ARHGAP15: variants seen among roughly 807,000 people sequenced by gnomAD.
The protein encoded by ARHGAP15 is rho GTPase-activating protein 15.
Under a neutral mutation model 63.7 loss-of-function variants are expected in ARHGAP15, and 51 were observed. The observed-to-expected ratio is 0.80, with a 90% CI of 0.64 to 1.01. The LOEUF (loss-of-function observed/expected upper bound fraction) is 1.01. Ranked by LOEUF, ARHGAP15 falls within the 50% of genes least tolerant of loss-of-function variation. ARHGAP15 has a pLI of 0.00. For missense variants in ARHGAP15, 560 were observed against 564.6 expected (o/e 0.99, Z 0.08); for synonymous variants, 191 against 193.8 (o/e 0.99, Z 0.12).
chr2:143,407,998 T>TATATAC, intron 6 of ARHGAP15, among the ~76,000 whole-genome samples: 1 of 66,678 alleles, frequency 1.5e-5, no homozygotes, highest in Admixed American at 2.0e-4. Context: ...TATATATATA[T>TATATAC]ATATATATAT....
intron 4 of ARHGAP15, among the ~76,000 whole-genome samples, chr2:143,224,662 G>A (rs1008239115): frequency 2.6e-5 from 4 of 152,058 alleles, no homozygotes; most frequent in African/African-American, 9.7e-5. Flanking sequence ...ATTGAATAAG[G>A]GTCATATATA....
At chr2:143,311,796 A>T (rs1474047552) in intron 6 of ARHGAP15, among the ~76,000 whole-genome samples, 1 of 152,148 alleles carries the variant, frequency 6.6e-6, no homozygotes, top group African/African-American at 2.4e-5. Context: ...TCTGCCTGCA[A>T]AGAAAAGAGA....
chr2:143,371,528 A>G (rs971137523), intron 6 of ARHGAP15, among the ~76,000 whole-genome samples: 1 of 152,094 alleles, frequency 6.6e-6, no homozygotes, highest in African/African-American at 2.4e-5. Context: ...CAACACAAAT[A>G]TGACAGAAAT....
intron 6 of ARHGAP15, among the ~76,000 whole-genome samples, chr2:143,256,366 A>G (rs1384655303): frequency 1.3e-5 from 2 of 152,112 alleles, no homozygotes; most frequent in South Asian, 2.1e-4. Flanking sequence ...AACTTAATAG[A>G]CTGATATTTA....
At chr2:143,303,456 A>G (rs2105160998) in intron 6 of ARHGAP15, among the ~76,000 whole-genome samples, 1 of 152,240 alleles carries the variant, frequency 6.6e-6, no homozygotes, top group Middle Eastern at 3.4e-3. Flanking sequence ...CACCTTATAT[A>G]AAAATTAATT....
intron 4 of ARHGAP15, among the ~76,000 whole-genome samples, chr2:143,220,023 A>C (rs1008320658): frequency 2.0e-5 from 3 of 152,220 alleles, no homozygotes; most frequent in Non-Finnish European, 4.4e-5. Flanking sequence ...GTAAATACAA[A>C]TTGAACATTG....
At chr2:143,159,669 G>A (rs933076673) in intron 2 of ARHGAP15, among the ~76,000 whole-genome samples, 1 of 151,870 alleles carries the variant, frequency 6.6e-6, no homozygotes, top group African/African-American at 2.4e-5. Context: ...TGATCAGGCA[G>A]GCATGTGTAA....
chr2:143,493,770 C>T (rs1329109733), intron 9 of ARHGAP15, among the ~76,000 whole-genome samples: 3 of 152,180 alleles, frequency 2.0e-5, no homozygotes, highest in East Asian at 1.9e-4. Context: ...CCACTGTCTT[C>T]GGCATCCCAT....
chr2:143,533,008 G>A (rs1694586382), intron 10 of ARHGAP15, among the ~76,000 whole-genome samples: 1 of 152,282 alleles, frequency 6.6e-6, no homozygotes, highest in African/African-American at 2.4e-5. Flanking sequence ...ACTATTTTAT[G>A]AACAACAACT....
intron 2 of ARHGAP15, among the ~76,000 whole-genome samples, chr2:143,166,041 A>AAAGAAAGAAAGAAAG (rs1558787901): frequency 2.1e-5 from 2 of 96,018 alleles, no homozygotes; most frequent in African/African-American, 7.4e-5. Flanking sequence ...CAAAGGAAGA[A>AAAGAAAGAAAGAAAG]AAAGAAAGAA....
intron 11 of ARHGAP15, among the ~76,000 whole-genome samples, chr2:143,570,340 A>C (rs542911426): frequency 5.0e-4 from 76 of 152,346 alleles, no homozygotes; most frequent in African/African-American, 1.8e-3. Context: ...TACAACTTCA[A>C]CTACTCAATT....
chr2:143,522,048 A>T (rs2104990598), intron 10 of ARHGAP15: 2 of 152,274 alleles, frequency 1.3e-5, no homozygotes, highest in Middle Eastern at 6.8e-3. Context: ...TTGGCAAAAG[A>T]TGCATTCTTT....
intron 13 of ARHGAP15, among the ~76,000 whole-genome samples, chr2:143,706,100 GTATGAC>G: frequency 6.6e-6 from 1 of 152,234 alleles, no homozygotes; most frequent in Non-Finnish European, 1.5e-5. Context: ...TTCTTGGGTG[GTATGAC>G]TATATTTCAC....
intron 6 of ARHGAP15, among the ~76,000 whole-genome samples, chr2:143,401,751 G>A (rs1229657036): frequency 6.6e-6 from 1 of 151,780 alleles, no homozygotes. Context: ...AGATGTAATT[G>A]ACAGTGATGA....
intron 9 of ARHGAP15, among the ~76,000 whole-genome samples, chr2:143,513,244 G>A (rs73964523): frequency 0.089 from 13,610 of 152,144 alleles, 715 homozygotes; most frequent in Non-Finnish European, 0.11. Flanking sequence ...TCCCTTGTGA[G>A]GGACTGGATG....
Position 143,320,417 on chromosome 2 carries a change from C to A in ARHGAP15, c.474+69817C>A, listed in dbSNP as rs866542702. Among the ~76,000 whole-genome samples the A allele has an allele frequency of 9.5e-5, 9 of 94,774 alleles. 1 individual carries two copies. Among genetic ancestry groups the A allele is most frequent in the African/African-American group, 1.6e-4 (4 of 24,856 alleles). 62.2% of individuals were successfully genotyped at this position (94,774 alleles called of 152,430 possible). A position where few individuals can be genotyped will look rare whatever the true frequency, so the allele number is the denominator to read the frequency against. On this transcript the variant is annotated intron_variant, in intron 6 of 13. Coordinates refer to ENST00000295095, the MANE Select transcript of ARHGAP15 (RefSeq NM_018460.4). ...AAATCAGGACTTCCCCACCCCCCCC[C>A]CCCCCAGAGATCCTATGATAAACAT...
intron 6 of ARHGAP15, among the ~76,000 whole-genome samples, chr2:143,404,804 T>C (rs763686708): frequency 3.3e-5 from 5 of 151,900 alleles, no homozygotes; most frequent in Admixed American, 1.3e-4. Context: ...GTGAATTGCA[T>C]TGAGTTTATA....
chr2:143,227,338 C>T (rs1574119022), intron 4 of ARHGAP15, among the ~76,000 whole-genome samples: 1 of 152,138 alleles, frequency 6.6e-6, no homozygotes, highest in African/African-American at 2.4e-5. Context: ...AAAGTTCAGT[C>T]ATTGACTCAA....
At chr2:143,450,492 T>C (rs1412675931) in intron 8 of ARHGAP15, among the ~76,000 whole-genome samples, 1 of 151,974 alleles carries the variant, frequency 6.6e-6, no homozygotes, top group African/African-American at 2.4e-5. Context: ...TTATTATAGA[T>C]GTGACTTGTG....
Sources: gnomAD v4.1 joint callset for allele counts (sites outside exome capture counted in the v4.1 genomes callset) on GRCh38, gnomAD v4.1.1 for gene constraint, MANE v1.5 for transcripts, NCBI Gene and HGNC (gene_info 2026-07-23, HGNC 2026-07-21) for gene names.